Variants in JAZF1 observed in about 807,000 individuals in gnomAD.
JAZF1 encodes juxtaposed with another zinc finger protein 1.
A neutral mutation model predicts 26.4 loss-of-function variants in JAZF1; 8 were observed. That is an observed-to-expected ratio of 0.30 (90% CI 0.18 to 0.55). JAZF1 has a LOEUF of 0.55. JAZF1 is among the 20% of genes least tolerant of loss of function. The pLI is 0.94. For missense variants in JAZF1, 199 were observed against 322.0 expected (o/e 0.62, Z 2.92); for synonymous variants, 126 against 122.3 (o/e 1.03, Z -0.20).
intron 1 of JAZF1, among the ~76,000 whole-genome samples, chr7:28,064,206 ATATT>A (rs1783844423): frequency 6.6e-6 from 1 of 152,150 alleles, no homozygotes; most frequent in African/African-American, 2.4e-5. Flanking sequence ...ATCTGGCTAT[ATATT>A]TACTTATTTT....
chr7:27,873,660 G>A (rs370500019), intron 3 of JAZF1, among the ~76,000 whole-genome samples: 6 of 152,134 alleles, frequency 3.9e-5, no homozygotes, highest in Non-Finnish European at 7.3e-5. Flanking sequence ...CCATGATAGC[G>A]GTTCACTGAA....
intron 1 of JAZF1, among the ~76,000 whole-genome samples, chr7:28,153,411 T>C (rs1316788337): frequency 2.0e-5 from 3 of 152,248 alleles, no homozygotes; most frequent in African/African-American, 7.2e-5. Context: ...GAGTAACTTC[T>C]ATTGGGGAAA....
chr7:28,102,422 T>C (rs991607663), intron 1 of JAZF1, among the ~76,000 whole-genome samples: 1 of 152,242 alleles, frequency 6.6e-6, no homozygotes, highest in African/African-American at 2.4e-5. Flanking sequence ...AGTATCACTC[T>C]CTGATTTCTG....
At chr7:28,078,830 C>T (rs1055105709) in intron 1 of JAZF1, among the ~76,000 whole-genome samples, 1 of 152,068 alleles carries the variant, frequency 6.6e-6, no homozygotes, top group African/African-American at 2.4e-5. Context: ...GATATTAAAG[C>T]CAGTGAAAAT....
intron 1 of JAZF1, among the ~76,000 whole-genome samples, chr7:28,044,755 GT>G (rs1783466095): frequency 6.6e-6 from 1 of 152,182 alleles, no homozygotes; most frequent in South Asian, 2.1e-4. Context: ...GACAGTTACA[GT>G]GAAAAAGGTT....
chr7:28,075,357 CA>C (rs1370643914), intron 1 of JAZF1, among the ~76,000 whole-genome samples: 2 of 152,174 alleles, frequency 1.3e-5, no homozygotes, highest in Non-Finnish European at 2.9e-5. Flanking sequence ...TTACTTACAA[CA>C]GGGCATTTAC....
chr7:28,015,726 T>C (rs2128371460), intron 1 of JAZF1, among the ~76,000 whole-genome samples: 1 of 152,348 alleles, frequency 6.6e-6, no homozygotes, highest in South Asian at 2.1e-4. Context: ...ATAAGGATAC[T>C]GTGCTTACAG....
At chr7:27,936,456 T>A (rs550418073) in intron 2 of JAZF1, among the ~76,000 whole-genome samples, 7 of 152,350 alleles carry the variant, frequency 4.6e-5, no homozygotes, top group African/African-American at 1.7e-4. Flanking sequence ...TCTTTGTGAG[T>A]GCAGTGGACA....
intron 2 of JAZF1, among the ~76,000 whole-genome samples, chr7:27,944,178 A>G (rs1031721489): frequency 1.3e-5 from 2 of 152,160 alleles, no homozygotes; most frequent in Admixed American, 1.3e-4. Flanking sequence ...AAGGAACTAC[A>G]TCTTGCCGAA....
In JAZF1 at chr7:28,170,923, G is replaced by A. The variant is rs552766705; in HGVS notation, c.115+9540C>T. 2.1e-3 allele frequency among the ~76,000 whole-genome samples: 320 copies of A among 152,264 alleles called. 2 individuals are homozygous for A. The highest frequency in any genetic ancestry group is 7.1e-3 in the African/African-American group (293 of 41,536). On this transcript the variant is annotated intron_variant, in intron 1 of 4. Transcript: ENST00000283928. ...GCTCTGTGTCCTGGCTTCCTCCTGC[G>A]TCGCATGGGACTAACACTGCATAAT...
chr7:27,909,481 C>T (rs1456950001), intron 2 of JAZF1, among the ~76,000 whole-genome samples: 1 of 151,836 alleles, frequency 6.6e-6, no homozygotes, highest in African/African-American at 2.4e-5. Context: ...CCAAGGCGGG[C>T]GGATCACCTG....
intron 1 of JAZF1, among the ~76,000 whole-genome samples, chr7:27,993,770 G>A (rs1212724574): frequency 3.3e-5 from 5 of 152,082 alleles, no homozygotes; most frequent in Admixed American, 3.3e-4. Context: ...TCACAAAATG[G>A]TTTCACCTCA....
At chr7:27,847,956 C>T (rs769553653) in intron 3 of JAZF1, among the ~76,000 whole-genome samples, 17 of 152,136 alleles carry the variant, frequency 1.1e-4, no homozygotes, top group Admixed American at 3.9e-4. Context: ...CATGAGCCAC[C>T]GTGCCCAGCC....
intron 1 of JAZF1, among the ~76,000 whole-genome samples, chr7:28,177,489 A>G (rs1335921432): frequency 1.3e-5 from 2 of 152,214 alleles, no homozygotes; most frequent in Non-Finnish European, 2.9e-5. Flanking sequence ...GAAACACACC[A>G]TATTCCCATA....
intron 1 of JAZF1, among the ~76,000 whole-genome samples, chr7:28,079,201 C>T (rs1042914181): frequency 2.0e-5 from 3 of 152,078 alleles, no homozygotes; most frequent in African/African-American, 2.4e-5. Context: ...CCAAGTTGGG[C>T]AGGCTGCTCT....
intron 1 of JAZF1, among the ~76,000 whole-genome samples, chr7:28,160,817 C>T (rs1783272880): frequency 6.6e-6 from 1 of 152,130 alleles, no homozygotes; most frequent in Admixed American, 6.5e-5. Flanking sequence ...AAGATATGGA[C>T]CTTTATGGCT....
chr7:27,972,864 T>C (rs1199731445), intron 2 of JAZF1, among the ~76,000 whole-genome samples: 3 of 151,506 alleles, frequency 2.0e-5, no homozygotes, highest in African/African-American at 4.9e-5. Context: ...TACACACACA[T>C]ATACATATAC....
chr7:28,023,908 C>T (rs1389470217), intron 1 of JAZF1, among the ~76,000 whole-genome samples: 3 of 152,180 alleles, frequency 2.0e-5, no homozygotes, highest in Non-Finnish European at 2.9e-5. Flanking sequence ...TATTAACCTA[C>T]ACTTGGAAAA....
At chr7:27,905,730 T>C (rs1335240953) in intron 2 of JAZF1, among the ~76,000 whole-genome samples, 2 of 152,034 alleles carry the variant, frequency 1.3e-5, no homozygotes, top group African/African-American at 4.8e-5. Flanking sequence ...CCATCTATCA[T>C]CACCAGCCTC....
Sources: gnomAD v4.1 joint callset for allele counts (sites outside exome capture counted in the v4.1 genomes callset) on GRCh38, gnomAD v4.1.1 for gene constraint, MANE v1.5 for transcripts, NCBI Gene and HGNC (gene_info 2026-07-23, HGNC 2026-07-21) for gene names.